Variants in SLC16A10 observed in about 807,000 individuals in gnomAD.
SLC16A10 encodes the protein monocarboxylate transporter 10.
A neutral mutation model predicts 40.0 loss-of-function variants in SLC16A10; 27 were observed. The observed-to-expected ratio is 0.67, with a 90% confidence interval of 0.50 to 0.93. The LOEUF (loss-of-function observed/expected upper bound fraction) is 0.93, where lower values mean the gene tolerates loss of function less well. SLC16A10 is among the 40% of genes least tolerant of loss of function. The probability of loss-of-function intolerance (pLI) is 0.00; values close to 1 mark genes in which losing one functional copy is unlikely to be tolerated. For missense variants in SLC16A10, 529 were observed against 658.2 expected, an observed-to-expected ratio of 0.80 and a Z score of 2.15; for synonymous variants, 213 against 249.8, an observed-to-expected ratio of 0.85 and a Z score of 1.39.
At chr6:111,103,322 A>T (rs1771224203) in intron 1 of SLC16A10, among the ~76,000 whole-genome samples, 1 of 152,052 alleles carries the variant, frequency 6.6e-6, no homozygotes, top group African/African-American at 2.4e-5. Flanking sequence ...GGTTCAAGCG[A>T]TTCTCCTGTC....
chr6:111,193,387 T>G, intron 3 of SLC16A10: 7 of 881,700 alleles, frequency 7.9e-6, no homozygotes, highest in Non-Finnish European at 8.2e-6. Context: ...AGCATTCTCC[T>G]ACTTGAGATG....
chr6:111,178,054 G>A (rs889752325), intron 3 of SLC16A10, among the ~76,000 whole-genome samples: 6 of 152,142 alleles, frequency 3.9e-5, no homozygotes, highest in African/African-American at 1.4e-4. Context: ...TTTTTTAACA[G>A]GAAGGCTAAA....
Position 111,223,442 on chromosome 6 carries a change from CA to C in SLC16A10, c.*1212del, listed in dbSNP as rs1770939164. 6.6e-6 allele frequency: 1 copy of C among 152,072 alleles called. No homozygotes were observed. The highest frequency in any genetic ancestry group is 2.4e-5 in the African/African-American group (1 of 41,410). The allele number at this position is 152,072 out of a possible 1,614,324, so 9.4% of individuals were successfully genotyped here. On this transcript the variant is annotated 3_prime_UTR_variant, in exon 6 of 6. Coordinates refer to ENST00000368851, the MANE Select transcript of SLC16A10 (RefSeq NM_018593.5). Reference sequence around the variant, plus strand: ...TCATGCCATGACCCATACTCATTTACAAAAACAAGAACACTTTCCTCTATCC... The same window carrying C: ...TCATGCCATGACCCATACTCATTTACAAAACAAGAACACTTTCCTCTATCC...
chr6:111,195,494 T>G (rs907038229), intron 3 of SLC16A10, among the ~76,000 whole-genome samples: 2 of 152,084 alleles, frequency 1.3e-5, no homozygotes, highest in Non-Finnish European at 2.9e-5. Flanking sequence ...AATGGCAAAT[T>G]TTATGAAATA....
Position 111,225,033 on chromosome 6 carries a change from G to A in SLC16A10, c.*2798G>A, listed in dbSNP as rs1325997782. On this transcript the variant is annotated 3_prime_UTR_variant, in exon 6 of 6. Coordinates refer to ENST00000368851, the MANE Select transcript of SLC16A10 (RefSeq NM_018593.5). ...TTCCTTTTTATAGATACTCTAGATT[G>A]GATACTATTGTAACAGATGGCCAAG... 6.6e-6 allele frequency: 1 copy of A among 152,120 alleles called. No individual in the cohort carries two copies. Among genetic ancestry groups the A allele is most frequent in the Non-Finnish European group, 1.5e-5 (1 of 68,026 alleles). 9.4% of individuals were successfully genotyped at this position (152,120 alleles called of 1,614,324 possible).
At chr6:111,125,279 A>G (rs1046044292) in intron 1 of SLC16A10, among the ~76,000 whole-genome samples, 3 of 152,174 alleles carry the variant, frequency 2.0e-5, no homozygotes, top group Admixed American at 6.5e-5. Context: ...GTAGACATTT[A>G]TTAGTTCATC....
chr6:111,163,147 T>C (rs1772402811), intron 1 of SLC16A10, among the ~76,000 whole-genome samples: 1 of 7,378 alleles, frequency 1.4e-4, no homozygotes, highest in African/African-American at 3.1e-4. Context: ...AACATAATAA[T>C]TTTTTTTTTT....
intron 1 of SLC16A10, among the ~76,000 whole-genome samples, chr6:111,089,404 CTCT>C (rs1770932632): frequency 6.6e-6 from 1 of 152,168 alleles, no homozygotes; most frequent in African/African-American, 2.4e-5. Flanking sequence ...CTATATTATA[CTCT>C]ATGCATTCTC....
At chr6:111,088,843 T>G (rs1414088258) in intron 1 of SLC16A10, among the ~76,000 whole-genome samples, 1 of 152,222 alleles carries the variant, frequency 6.6e-6, no homozygotes, top group Non-Finnish European at 1.5e-5. Context: ...AGAGCATTAT[T>G]ATGACTTTTT....
chr6:111,126,697 G>T (rs1297041170), intron 1 of SLC16A10, among the ~76,000 whole-genome samples: 1 of 152,082 alleles, frequency 6.6e-6, no homozygotes, highest in Admixed American at 6.6e-5. Context: ...CTAGTGAGAT[G>T]ACATGGTTAT....
At chr6:111,220,936 A>C (rs1441824153) in intron 5 of SLC16A10, among the ~76,000 whole-genome samples, 1 of 152,250 alleles carries the variant, frequency 6.6e-6, no homozygotes, top group Non-Finnish European at 1.5e-5. Flanking sequence ...AGTGTTCATA[A>C]GGAGGAAGAG....
intron 1 of SLC16A10, among the ~76,000 whole-genome samples, chr6:111,120,719 G>A (rs1771568393): frequency 6.6e-6 from 1 of 152,090 alleles, no homozygotes; most frequent in South Asian, 2.1e-4. Flanking sequence ...TTATTTGGCT[G>A]TTTTTAAAGA....
chr6:111,145,404 A>G (rs1772058894), intron 1 of SLC16A10, among the ~76,000 whole-genome samples: 1 of 152,178 alleles, frequency 6.6e-6, no homozygotes, highest in African/African-American at 2.4e-5. Context: ...CTGTCTCAAA[A>G]TAAATAGATA....
At chr6:111,091,354 A>G (rs1770971964) in intron 1 of SLC16A10, 1 of 152,218 alleles carries the variant, frequency 6.6e-6, no homozygotes. Context: ...TTAATCATTC[A>G]TCATATTGCA....
At chr6:111,206,973 C>T (rs528316312) in intron 4 of SLC16A10, among the ~76,000 whole-genome samples, 6 of 152,298 alleles carry the variant, frequency 3.9e-5, no homozygotes, top group East Asian at 1.9e-4. Flanking sequence ...GGATTACAGG[C>T]GTGTGCCACC....
At chr6:111,178,651 T>G (rs893407999) in intron 3 of SLC16A10, 1 of 203,878 alleles carries the variant, frequency 4.9e-6, no homozygotes, top group Admixed American at 6.3e-5. Flanking sequence ...CTTTTTTCTT[T>G]TGTGGCTGAA....
At chr6:111,184,840 A>C (rs1772866468) in intron 3 of SLC16A10, among the ~76,000 whole-genome samples, 2 of 152,204 alleles carry the variant, frequency 1.3e-5, no homozygotes, top group African/African-American at 4.8e-5. Flanking sequence ...TACAGGGAGC[A>C]TGTAAACCTC....
chr6:111,091,902 G>A (rs764810950), intron 1 of SLC16A10, among the ~76,000 whole-genome samples: 39 of 152,208 alleles, frequency 2.6e-4, no homozygotes, highest in Non-Finnish European at 4.9e-4. Context: ...ATGACTGAGA[G>A]AGAAAATGTC....
rs183369194 is a variant in SLC16A10 at position 111,184,406 on chromosome 6, A to G, written c.942+6741A>G. Among the ~76,000 whole-genome samples, 4 of 152,254 alleles carry G rather than the reference A, an allele frequency of 2.6e-5. No homozygotes were observed. The East Asian group carries it at 5.8e-4, about 22-fold the overall frequency. On this transcript the variant is annotated intron_variant, in intron 3 of 5. Coordinates refer to ENST00000368851, the MANE Select transcript of SLC16A10 (RefSeq NM_018593.5). ...AGGAAGATCCCATTTACCTGATGCT[A>G]TGGTTCAAGACAGACAGATCATTTG...
Sources: gnomAD v4.1 joint callset for allele counts (sites outside exome capture counted in the v4.1 genomes callset) on GRCh38, gnomAD v4.1.1 for gene constraint, MANE v1.5 for transcripts, NCBI Gene and HGNC (gene_info 2026-07-23, HGNC 2026-07-21) for gene names.